TXK: variants seen among roughly 807,000 people sequenced by gnomAD.
TXK encodes tyrosine-protein kinase TXK.
A neutral mutation model predicts 81.0 loss-of-function variants in TXK; 60 were observed. The observed-to-expected ratio is 0.74, with a 90% confidence interval of 0.60 to 0.92. The LOEUF is 0.92. Among genes scored for constraint, TXK ranks in the 40% least tolerant of loss-of-function variants. The probability of loss-of-function intolerance (pLI) is 0.00; values close to 1 mark genes in which losing one functional copy is unlikely to be tolerated. For missense variants in TXK, 581 were observed against 638.3 expected (o/e 0.91, Z 0.97); for synonymous variants, 203 against 210.7 (o/e 0.96, Z 0.32).
chr4:48,077,465 T>G (rs1717116130), intron 11 of TXK, among the ~76,000 whole-genome samples: 1 of 152,072 alleles, frequency 6.6e-6, no homozygotes. Context: ...ACGGACATAT[T>G]TTAAGTAGCA....
rs151202444 is a variant in TXK, at chr4:48,113,276, A to G, written c.105T>C (p.Asp35=). 8.1e-6 allele frequency: 13 copies of G among 1,613,406 alleles called. No individual in the cohort carries two copies. The highest frequency in any genetic ancestry group is 3.3e-4 in the Middle Eastern group (2 of 6,058). The change falls in exon 3 of 15, where the codon GAT becomes GAC. Residue 35 remains aspartate, a synonymous_variant. Transcript: ENST00000264316. ...QMRTQISLST[D]EELPEKYTQR... is the part of the protein sequence containing the mutation. ...GGGTGTATTTTTCTGGAAGCTCTTC[A>G]TCTGTGCTCAGGCTTATCTGTGTTC...
Position 48,104,961 on chromosome 4 carries a change from A to T in TXK, c.447-6T>A. On this transcript the variant is annotated splice_region_variant and splice_polypyrimidine_tract_variant and intron_variant, in intron 5 of 14. Transcript: ENST00000264316. The stretch of plus-strand genomic sequence containing the variant: ...TAATGTTTCTATGGTACCACCTGTA[A>T]AAGCAATAAAAATGATTTTTAAATT... 1 of 1,573,380 alleles carries T rather than the reference A, an allele frequency of 6.4e-7. No homozygotes were observed.
intron 10 of TXK, among the ~76,000 whole-genome samples, chr4:48,083,261 G>A (rs556576282): frequency 6.6e-6 from 1 of 152,258 alleles, no homozygotes; most frequent in African/African-American, 2.4e-5. Flanking sequence ...TCCCCATCCT[G>A]TAAAAGGTCA....
At chr4:48,120,698 C>T (rs138147995) in intron 1 of TXK, among the ~76,000 whole-genome samples, 72 of 152,184 alleles carry the variant, frequency 4.7e-4, no homozygotes, top group African/African-American at 1.7e-3. Context: ...ACCATTTTGG[C>T]TAGGCTGGTC....
intron 6 of TXK, among the ~76,000 whole-genome samples, chr4:48,101,460 A>G (rs1415712102): frequency 1.3e-5 from 2 of 152,116 alleles, no homozygotes; most frequent in Non-Finnish European, 2.9e-5. Context: ...AAGAGAACAG[A>G]AAATTATAAG....
intron 6 of TXK, among the ~76,000 whole-genome samples, chr4:48,102,168 G>A (rs1463388182): frequency 1.3e-5 from 2 of 151,968 alleles, no homozygotes; most frequent in African/African-American, 4.8e-5. Flanking sequence ...CAGGAGAGAC[G>A]GGGTTTCATC....
At chr4:48,124,018 C>T (rs1284141229) in intron 1 of TXK, among the ~76,000 whole-genome samples, 1 of 152,178 alleles carries the variant, frequency 6.6e-6, no homozygotes, top group East Asian at 1.9e-4. Context: ...TCCCAAAGCA[C>T]CTATGCCCTG....
chr4:48,070,084 T>G (rs1009809320), intron 14 of TXK, among the ~76,000 whole-genome samples: 1 of 152,244 alleles, frequency 6.6e-6, no homozygotes, highest in Non-Finnish European at 1.5e-5. Context: ...ATATTCAATA[T>G]TCTAGTGTTT....
chr4:48,097,302 G>A (rs1482405079), intron 6 of TXK, among the ~76,000 whole-genome samples: 3 of 151,932 alleles, frequency 2.0e-5, no homozygotes, highest in African/African-American at 7.3e-5. Context: ...TTGGAAACTC[G>A]AATGAAATGG....
chr4:48,080,230 T>G, intron 10 of TXK, 102 bp from the exon 11 acceptor site: 1 of 916,658 alleles, frequency 1.1e-6, no homozygotes, highest in Non-Finnish European at 1.7e-6. Context: ...ACTCTCATTA[T>G]CAAGATAAGA....
In TXK at chr4:48,112,396, TTC is replaced by T. The variant is rs1410901938; in HGVS notation, c.289_290del (p.Glu97ThrfsTer3). ...CTCTCCTTAAGGCTAAATTACAGGGTTCTCTGGGCAGAAAATCATAAAGTGCC... is the reference window on the plus strand; with the variant it reads ...CTCTCCTTAAGGCTAAATTACAGGGTTCTGGGCAGAAAATCATAAAGTGCC... ...VKALYDFLPR[E>X]PCNLALRRAE... On this transcript the variant is annotated frameshift_variant, in exon 4 of 15. Transcript: ENST00000264316. LOFTEE classifies it high-confidence loss of function. 8 of 1,614,044 alleles carry T rather than the reference TTC, an allele frequency of 5.0e-6. No homozygotes were observed. Among genetic ancestry groups the T allele is most frequent in the African/African-American group, 1.3e-5 (1 of 74,908 alleles).
chr4:48,091,255 G>A (rs1222806560), intron 8 of TXK, among the ~76,000 whole-genome samples: 1 of 152,204 alleles, frequency 6.6e-6, no homozygotes, highest in African/African-American at 2.4e-5. Flanking sequence ...CCCATGGGGA[G>A]AAACTATGAA....
At position 48,114,302 on chromosome 4, in the gene TXK, C is replaced by T. The variant is rs766945528; in HGVS notation, c.71+46G>A. The T allele has an allele frequency of 3.6e-5, 58 of 1,593,066 alleles. 1 individual carries two copies. The highest frequency in any genetic ancestry group is 3.0e-4 in the South Asian group (27 of 90,542). On this transcript the variant is annotated intron_variant, in intron 2 of 14. Transcript: ENST00000264316. ...GGTGACTCCACAGGTAATAAAGAAA[C>T]GGAATTAATTAATTTTCAAGAAATT... is the stretch of plus-strand genomic sequence containing the variant.
At chr4:48,097,381 T>A in intron 6 of TXK, among the ~76,000 whole-genome samples, 1 of 151,852 alleles carries the variant, frequency 6.6e-6, no homozygotes, top group East Asian at 1.9e-4. Context: ...TTAATGGACC[T>A]GTTGAGTAGA....
chr4:48,077,059 C>A lies in TXK; in HGVS notation c.1174-593G>T, dbSNP rs146604019. Among the ~76,000 whole-genome samples, 95 of 152,190 alleles carry A rather than the reference C, an allele frequency of 6.2e-4. No homozygotes were observed. In the Middle Eastern group the frequency reaches 0.01, roughly 16 times the overall value. On this transcript the variant is annotated intron_variant, in intron 11 of 14. Transcript: ENST00000264316. The stretch of plus-strand genomic sequence containing the variant: ...CAGATAAGGCATAGTCATTTTATAT[C>A]TTTGGGATCTCTAATACGTAATAAA...
At chr4:48,097,765 T>G (rs974246526) in intron 6 of TXK, among the ~76,000 whole-genome samples, 5 of 138,096 alleles carry the variant, frequency 3.6e-5, no homozygotes, top group Non-Finnish European at 6.1e-5. Flanking sequence ...TTTTTTTTTT[T>G]GAGACGGGGT....
intron 6 of TXK, among the ~76,000 whole-genome samples, chr4:48,099,926 T>C (rs1342962920): frequency 6.6e-6 from 1 of 152,060 alleles, no homozygotes; most frequent in Non-Finnish European, 1.5e-5. Flanking sequence ...GGCTCACGCC[T>C]GTAATCCCAG....
At chr4:48,069,413 C>A (rs890204030) in intron 14 of TXK, among the ~76,000 whole-genome samples, 1 of 151,172 alleles carries the variant, frequency 6.6e-6, no homozygotes, top group Admixed American at 6.6e-5. Flanking sequence ...GCAACCTCTG[C>A]CTCCCAGGTT....
chr4:48,079,474 A>G (rs1717205957), intron 11 of TXK, among the ~76,000 whole-genome samples: 2 of 152,104 alleles, frequency 1.3e-5, no homozygotes, highest in Admixed American at 1.3e-4. Flanking sequence ...CAGCATGAGG[A>G]CAGCTTCAAC....
Sources: allele counts gnomAD v4.1 joint callset (sites outside exome capture counted in the v4.1 genomes callset), GRCh38; gene constraint gnomAD v4.1.1; transcripts MANE v1.5; gene names NCBI Gene and HGNC (gene_info 2026-07-23, HGNC 2026-07-21).